OPCML: variants seen among roughly 807,000 people sequenced by gnomAD.
OPCML encodes opioid-binding protein/cell adhesion molecule.
A neutral mutation model predicts 37.8 loss-of-function variants in OPCML; 13 were observed. That is an observed-to-expected ratio of 0.34 (90% confidence interval 0.22 to 0.55). OPCML has a LOEUF of 0.55. OPCML is among the 20% of genes least tolerant of loss of function. The probability of loss-of-function intolerance (pLI) is 0.91; values close to 1 mark genes in which losing one functional copy is unlikely to be tolerated. For synonymous variants in OPCML, 176 were observed against 168.8 expected (o/e 1.04, Z -0.33); for missense variants, 341 against 435.6 (o/e 0.78, Z 1.93).
At chr11:132,687,963 A>C (rs1165624510) in intron 2 of OPCML, among the ~76,000 whole-genome samples, 2 of 152,138 alleles carry the variant, frequency 1.3e-5, no homozygotes, top group African/African-American at 4.8e-5. Flanking sequence ...CAGGAGACTT[A>C]AAAAATCTAG....
chr11:132,628,761 G>C (rs1939900030), intron 3 of OPCML, among the ~76,000 whole-genome samples: 2 of 152,122 alleles, frequency 1.3e-5, no homozygotes, highest in Admixed American at 6.5e-5. Context: ...TTGAATGAGG[G>C]GGGGCAGTTA....
chr11:133,239,172 A>T (rs1940632555), intron 1 of OPCML, among the ~76,000 whole-genome samples: 1 of 152,170 alleles, frequency 6.6e-6, no homozygotes, highest in African/African-American at 2.4e-5. Context: ...TTTGGGAATT[A>T]CCCGCTAACT....
chr11:133,403,958 G>C (rs1945466587), intron 1 of OPCML, among the ~76,000 whole-genome samples: 1 of 152,198 alleles, frequency 6.6e-6, no homozygotes, highest in Non-Finnish European at 1.5e-5. Flanking sequence ...ATTACCATAA[G>C]TAGTGTTGCT....
chr11:133,218,197 T>C (rs7119589), intron 1 of OPCML, among the ~76,000 whole-genome samples: 53,595 of 151,920 alleles, frequency 0.35, 10,812 homozygotes, highest in African/African-American at 0.54. Flanking sequence ...AGTTCCAGGC[T>C]TGGTGTAATC....
At chr11:132,792,945 G>A (rs1424656765) in intron 2 of OPCML, among the ~76,000 whole-genome samples, 4 of 152,190 alleles carry the variant, frequency 2.6e-5, no homozygotes, top group African/African-American at 7.2e-5. Context: ...GCTCCTGACA[G>A]GACTCACATT....
At chr11:133,151,145 C>T (rs946866052) in intron 1 of OPCML, among the ~76,000 whole-genome samples, 1 of 151,434 alleles carries the variant, frequency 6.6e-6, no homozygotes, top group Non-Finnish European at 1.5e-5. Context: ...TGGTGGTGCA[C>T]GCCTGTTATC....
chr11:133,335,709 T>C (rs1001279786), intron 1 of OPCML, among the ~76,000 whole-genome samples: 1 of 152,094 alleles, frequency 6.6e-6, no homozygotes, highest in East Asian at 1.9e-4. Flanking sequence ...CTTAAGACAG[T>C]GTGTCTTGGA....
chr11:132,602,457 T>C (rs1937986094), intron 3 of OPCML, among the ~76,000 whole-genome samples: 1 of 152,204 alleles, frequency 6.6e-6, no homozygotes, highest in Admixed American at 6.5e-5. Flanking sequence ...GCCTGGATTC[T>C]ACCAGCCTAG....
At chr11:132,519,643 A>G (rs1382785627) in intron 4 of OPCML, among the ~76,000 whole-genome samples, 2 of 152,176 alleles carry the variant, frequency 1.3e-5, no homozygotes, top group African/African-American at 4.8e-5. Flanking sequence ...CACACTTCTC[A>G]TTTACAACAA....
intron 3 of OPCML, among the ~76,000 whole-genome samples, chr11:132,643,261 C>A (rs1940961152): frequency 6.6e-6 from 1 of 152,090 alleles, no homozygotes; most frequent in Non-Finnish European, 1.5e-5. Context: ...TGGGTGACAG[C>A]GTGAGACTCC....
chr11:133,233,249 A>G (rs183901916), intron 1 of OPCML, among the ~76,000 whole-genome samples: 3 of 152,332 alleles, frequency 2.0e-5, no homozygotes, highest in African/African-American at 7.2e-5. Context: ...CTTTGTAGGA[A>G]GGATGTTCAG....
chr11:133,257,784 T>G (rs1167588552), intron 1 of OPCML, among the ~76,000 whole-genome samples: 1 of 152,266 alleles, frequency 6.6e-6, no homozygotes, highest in Admixed American at 6.5e-5. Context: ...AAACATTTAT[T>G]GAGCATCTAG....
At chr11:133,354,760 G>A (rs75167670) in intron 1 of OPCML, among the ~76,000 whole-genome samples, 4,143 of 152,250 alleles carry the variant, frequency 0.027, 79 homozygotes, top group South Asian at 0.043. Context: ...AGGATCAGTT[G>A]TTGCAAAGTA....
intron 4 of OPCML, among the ~76,000 whole-genome samples, chr11:132,508,941 A>G (rs2096263132): frequency 6.6e-6 from 1 of 152,238 alleles, no homozygotes; most frequent in African/African-American, 2.4e-5. Context: ...TAACAGGCAG[A>G]TGTTGGAACA....
intron 2 of OPCML, among the ~76,000 whole-genome samples, chr11:132,704,147 G>T (rs1438928624): frequency 6.6e-6 from 1 of 152,174 alleles, no homozygotes; most frequent in African/African-American, 2.4e-5. Context: ...GTCCACAGGA[G>T]CCAGTTTAGT....
chr11:132,811,267 A>G lies in OPCML; in HGVS notation c.146+131659T>C, dbSNP rs2136226267. Reference sequence around the variant, plus strand: ...CTCTCCATTAAAATCCTGCCCAGACATAACGATTATTATTAAATCCCTCTT... The same window carrying G: ...CTCTCCATTAAAATCCTGCCCAGACGTAACGATTATTATTAAATCCCTCTT... On this transcript the variant is annotated intron_variant, in intron 2 of 7. Transcript: ENST00000524381. 2.0e-5 allele frequency among the ~76,000 whole-genome samples: 3 copies of G among 152,354 alleles called. No homozygotes were observed. The South Asian group carries it at 6.2e-4, about 32-fold the overall frequency.
intron 1 of OPCML, among the ~76,000 whole-genome samples, chr11:133,326,332 G>C: frequency 8.4e-6 from 1 of 119,704 alleles, no homozygotes; most frequent in East Asian, 2.6e-4. Flanking sequence ...TGGGGGGAGT[G>C]GGTGTGTGTA....
intron 1 of OPCML, among the ~76,000 whole-genome samples, chr11:133,121,472 A>T (rs1949419714): frequency 6.6e-6 from 1 of 152,170 alleles, no homozygotes; most frequent in Non-Finnish European, 1.5e-5. Context: ...CAGCTGGGAA[A>T]ACTGGGATGT....
chr11:133,530,775 G>T (rs1260640414), intron 1 of OPCML, among the ~76,000 whole-genome samples: 6 of 152,164 alleles, frequency 3.9e-5, no homozygotes, highest in Admixed American at 3.9e-4. Context: ...TCTTCACAAG[G>T]TGTTACAAAA....
Sources: gnomAD v4.1 joint callset for allele counts (sites outside exome capture counted in the v4.1 genomes callset) on GRCh38, gnomAD v4.1.1 for gene constraint, MANE v1.5 for transcripts, NCBI Gene and HGNC (gene_info 2026-07-23, HGNC 2026-07-21) for gene names.